PBX1: variants seen among roughly 807,000 people sequenced by gnomAD.
PBX1 encodes the protein pre-B-cell leukemia transcription factor 1.
A neutral mutation model predicts 53.4 loss-of-function variants in PBX1; 6 were observed. The ratio of observed to expected loss-of-function variants is 0.11; its 90% CI spans 0.06 to 0.22. PBX1 has a LOEUF of 0.22. Among genes scored for constraint, PBX1 ranks in the 10% least tolerant of loss-of-function variants. The pLI, the probability that PBX1 is intolerant of heterozygous loss-of-function variation, is 1.00. For missense variants in PBX1, 251 were observed against 551.4 expected, an observed-to-expected ratio of 0.46 and a Z score of 5.46; for synonymous variants, 204 against 212.3, an observed-to-expected ratio of 0.96 and a Z score of 0.34.
At chr1:164,705,519 C>G (rs962701913) in intron 2 of PBX1, among the ~76,000 whole-genome samples, 1 of 152,258 alleles carries the variant, frequency 6.6e-6, no homozygotes, top group Non-Finnish European at 1.5e-5. Flanking sequence ...TGCTTGCTTA[C>G]TTAAGCCTCA....
chr1:164,747,943 A>G (rs963686483), intron 2 of PBX1, among the ~76,000 whole-genome samples: 5 of 152,146 alleles, frequency 3.3e-5, no homozygotes, highest in Non-Finnish European at 7.3e-5. Flanking sequence ...ATTATACACA[A>G]ATCATGAGTA....
intron 8 of PBX1, among the ~76,000 whole-genome samples, chr1:164,823,379 T>G (rs1308492496): frequency 7.8e-6 from 1 of 127,904 alleles, no homozygotes; most frequent in Non-Finnish European, 1.7e-5. Flanking sequence ...ATGTATTTCC[T>G]GAATCTTTTT....
intron 2 of PBX1, among the ~76,000 whole-genome samples, chr1:164,640,008 T>C (rs1659021996): frequency 6.6e-6 from 1 of 151,826 alleles, no homozygotes; most frequent in South Asian, 2.1e-4. Context: ...CCTGATGGTA[T>C]AGACGAAGCC....
intron 2 of PBX1, among the ~76,000 whole-genome samples, chr1:164,629,453 C>T (rs1456591568): frequency 6.6e-6 from 1 of 152,168 alleles, no homozygotes; most frequent in Non-Finnish European, 1.5e-5. Flanking sequence ...GACCTACCTT[C>T]TCCCTGACTC....
At chr1:164,650,127 A>G (rs1421370162) in intron 2 of PBX1, among the ~76,000 whole-genome samples, 3 of 151,974 alleles carry the variant, frequency 2.0e-5, no homozygotes, top group Admixed American at 6.6e-5. Context: ...CGGGCCTCAC[A>G]TTGTGGCCAG....
chr1:164,799,945 G>T, intron 4 of PBX1, 56 bp downstream of exon 4: 2 of 1,495,216 alleles, frequency 1.3e-6, no homozygotes, highest in Non-Finnish European at 1.8e-6. Context: ...TCTGGGGCTG[G>T]AGTCCACAGC....
At chr1:164,592,970 T>TTA (rs146217003) in intron 2 of PBX1, among the ~76,000 whole-genome samples, 53 of 150,902 alleles carry the variant, frequency 3.5e-4, no homozygotes, top group Non-Finnish European at 5.2e-4. Flanking sequence ...TTTTTTTTTT[T>TTA]AATTTGAGAC....
intron 8 of PBX1, among the ~76,000 whole-genome samples, chr1:164,828,195 A>G (rs1463521994): frequency 3.9e-5 from 6 of 152,222 alleles, no homozygotes; most frequent in South Asian, 2.1e-4. Context: ...ACTAGTTGCA[A>G]TGAGTTATGA....
At chr1:164,838,970 T>G (rs1201468950) in intron 8 of PBX1, among the ~76,000 whole-genome samples, 2 of 152,204 alleles carry the variant, frequency 1.3e-5, no homozygotes, top group African/African-American at 4.8e-5. Context: ...ATCAAAGTGC[T>G]TCATGTAGCC....
intron 5 of PBX1, among the ~76,000 whole-genome samples, chr1:164,811,000 T>C (rs937494126): frequency 6.6e-6 from 1 of 152,224 alleles, no homozygotes; most frequent in African/African-American, 2.4e-5. Context: ...TTTCTTTATC[T>C]GCCGTCGTTG....
chr1:164,614,313 T>G (rs1657128053), intron 2 of PBX1, among the ~76,000 whole-genome samples: 1 of 152,184 alleles, frequency 6.6e-6, no homozygotes, highest in African/African-American at 2.4e-5. Flanking sequence ...CAGACCTACT[T>G]TATGACAGAG....
At chr1:164,713,162 T>G (rs879826879) in intron 2 of PBX1, among the ~76,000 whole-genome samples, 8 of 152,148 alleles carry the variant, frequency 5.3e-5, no homozygotes, top group Non-Finnish European at 8.8e-5. Flanking sequence ...GAGTTGTAAG[T>G]TTTCAGAGAA....
intron 2 of PBX1, among the ~76,000 whole-genome samples, chr1:164,766,958 G>A (rs192035933): frequency 4.6e-5 from 7 of 151,764 alleles, no homozygotes; most frequent in African/African-American, 1.7e-4. Context: ...TCGAACTCCC[G>A]ACCTCGTGAT....
chr1:164,828,876 G>A (rs775276971), intron 8 of PBX1: 2 of 151,978 alleles, frequency 1.3e-5, no homozygotes, highest in Non-Finnish European at 2.9e-5. Context: ...GCTTGTTTTC[G>A]GATAAAATAT....
At chr1:164,607,379 G>A (rs766990332) in intron 2 of PBX1, among the ~76,000 whole-genome samples, 2 of 152,112 alleles carry the variant, frequency 1.3e-5, no homozygotes, top group Admixed American at 6.6e-5. Context: ...ATGGGAAGGT[G>A]GTTTGAGGGA....
intron 2 of PBX1, among the ~76,000 whole-genome samples, chr1:164,669,371 T>C (rs1056715147): frequency 2.6e-4 from 40 of 152,122 alleles, no homozygotes; most frequent in Admixed American, 2.6e-4. Context: ...GAGAAACCGC[T>C]GCACTGGGAA....
intron 2 of PBX1, among the ~76,000 whole-genome samples, chr1:164,616,786 G>C (rs996288421): frequency 2.0e-5 from 3 of 152,146 alleles, no homozygotes; most frequent in Non-Finnish European, 4.4e-5. Context: ...AATATGTATT[G>C]ATACTCATCA....
chr1:164,625,825 GA>G (rs764380201), intron 2 of PBX1: 31,165 of 421,988 alleles, frequency 0.074, 1,972 homozygotes, highest in East Asian at 0.4. Flanking sequence ...AAAAAAAAAA[GA>G]AAAAAAACAC....
At chr1:164,874,752 C>T (rs1288262567) in intron 2 of PBX1, among the ~76,000 whole-genome samples, 3 of 152,138 alleles carry the variant, frequency 2.0e-5, no homozygotes, top group Non-Finnish European at 2.9e-5. Flanking sequence ...CCTTGGCCTC[C>T]CAAATTGCTG....
Sources: gnomAD v4.1 joint callset for allele counts (sites outside exome capture counted in the v4.1 genomes callset) on GRCh38, gnomAD v4.1.1 for gene constraint, MANE v1.5 for transcripts, NCBI Gene and HGNC (gene_info 2026-07-23, HGNC 2026-07-21) for gene names.